Variants in TMEM135 observed in about 807,000 individuals in gnomAD.
TMEM135 encodes the protein transmembrane protein 135, also known as peroxisomal membrane protein 52.
TMEM135 carries 30 observed loss-of-function variants against 60.3 expected under a neutral mutation model. The observed-to-expected ratio is 0.50, with a 90% CI of 0.37 to 0.68. The LOEUF (loss-of-function observed/expected upper bound fraction) is 0.68. Ranked by LOEUF, TMEM135 falls within the 30% of genes least tolerant of loss-of-function variation. The pLI is 0.00. For synonymous variants in TMEM135, 190 were observed against 186.7 expected (o/e 1.02, Z -0.14); for missense variants, 468 against 548.8 (o/e 0.85, Z 1.47).
intron 10 of TMEM135, among the ~76,000 whole-genome samples, chr11:87,311,846 T>C (rs1180844269): frequency 6.6e-6 from 1 of 152,024 alleles, no homozygotes; most frequent in African/African-American, 2.4e-5. Context: ...TTAAGGTTCC[T>C]CTTTATCTCT....
intron 4 of TMEM135, among the ~76,000 whole-genome samples, chr11:87,117,893 C>G (rs1857932409): frequency 6.6e-6 from 1 of 152,130 alleles, no homozygotes; most frequent in Non-Finnish European, 1.5e-5. Context: ...TCATCAATCA[C>G]TCATAAAGCA....
intron 5 of TMEM135, among the ~76,000 whole-genome samples, chr11:87,194,442 C>T (rs372746056): frequency 6.6e-5 from 10 of 152,260 alleles, no homozygotes; most frequent in African/African-American, 2.4e-4. Context: ...TTGTACTATC[C>T]TGTGTCAGAT....
At chr11:87,249,358 T>C (rs1941363827) in intron 6 of TMEM135, among the ~76,000 whole-genome samples, 1 of 152,190 alleles carries the variant, frequency 6.6e-6, no homozygotes, top group Non-Finnish European at 1.5e-5. Context: ...GCATATGTTT[T>C]TTGTTTTTCA....
chr11:87,240,834 C>T (rs1228141198), intron 6 of TMEM135, among the ~76,000 whole-genome samples: 1 of 152,062 alleles, frequency 6.6e-6, no homozygotes, highest in Non-Finnish European at 1.5e-5. Context: ...GAAATTCTTT[C>T]CACATCCCTT....
intron 1 of TMEM135, among the ~76,000 whole-genome samples, chr11:87,056,852 A>G (rs917084727): frequency 1.3e-5 from 2 of 152,216 alleles, no homozygotes; most frequent in African/African-American, 4.8e-5. Context: ...AAATATGTAT[A>G]CTTTCTATTT....
At chr11:87,154,183 A>G (rs1938631493) in intron 4 of TMEM135, among the ~76,000 whole-genome samples, 1 of 152,174 alleles carries the variant, frequency 6.6e-6, no homozygotes, top group Admixed American at 6.5e-5. Flanking sequence ...TTTCTGTCTC[A>G]ATGAATTTCA....
intron 4 of TMEM135, among the ~76,000 whole-genome samples, chr11:87,117,135 A>AG (rs1857909081): frequency 6.6e-6 from 1 of 152,164 alleles, no homozygotes; most frequent in Non-Finnish European, 1.5e-5. Context: ...CATTATGTTT[A>AG]AAACAAAGTA....
intron 6 of TMEM135, among the ~76,000 whole-genome samples, chr11:87,280,111 G>T (rs1942033464): frequency 6.8e-6 from 1 of 147,368 alleles, no homozygotes; most frequent in African/African-American, 2.7e-5. Flanking sequence ...ATGTCTTAAA[G>T]TTAATGTGTG....
intron 5 of TMEM135, among the ~76,000 whole-genome samples, chr11:87,160,266 A>G (rs2135272222): frequency 6.6e-6 from 1 of 152,334 alleles, no homozygotes; most frequent in South Asian, 2.1e-4. Flanking sequence ...AAATTTTGAA[A>G]TGGGAGAAGA....
chr11:87,184,946 C>A (rs995285331), intron 5 of TMEM135, among the ~76,000 whole-genome samples: 1 of 152,040 alleles, frequency 6.6e-6, no homozygotes, highest in African/African-American at 2.4e-5. Context: ...GTTAAAATTT[C>A]TTTTTATTTT....
intron 3 of TMEM135, among the ~76,000 whole-genome samples, chr11:87,084,558 A>G (rs753885304): frequency 3.3e-5 from 5 of 152,170 alleles, no homozygotes; most frequent in Non-Finnish European, 5.9e-5. Context: ...TGGCCTCACA[A>G]AGTGCTGGGA....
intron 4 of TMEM135, among the ~76,000 whole-genome samples, chr11:87,147,945 A>G (rs1485312585): frequency 2.0e-5 from 3 of 152,134 alleles, no homozygotes; most frequent in South Asian, 4.1e-4. Context: ...TTTAGTAGAC[A>G]TGGAGTTTCA....
Position 87,044,917 on chromosome 11 carries a change from G to T in TMEM135, c.141+6731G>T, listed in dbSNP as rs569107525. On this transcript the variant is annotated intron_variant, in intron 1 of 14. Transcript: ENST00000305494. ...CCACCTCAGCCTCCCAAAGTGCTGG[G>T]ATTACAGGCGTAAGCCACCACGCCC... is the stretch of plus-strand genomic sequence containing the variant. Among the ~76,000 whole-genome samples the T allele has an allele frequency of 1.3e-4, 20 of 152,194 alleles. 1 individual carries two copies. In the South Asian group the frequency reaches 3.1e-3, roughly 24 times the overall value.
At chr11:87,262,942 G>C (rs927064782) in intron 6 of TMEM135, among the ~76,000 whole-genome samples, 1 of 151,996 alleles carries the variant, frequency 6.6e-6, no homozygotes, top group African/African-American at 2.4e-5. Context: ...CCTAGGTGGA[G>C]TTCTGAGTTG....
At chr11:87,099,770 C>T (rs534988561) in intron 4 of TMEM135, among the ~76,000 whole-genome samples, 2 of 149,146 alleles carry the variant, frequency 1.3e-5, no homozygotes, top group South Asian at 2.1e-4. Flanking sequence ...GCAACCTCCG[C>T]CTCCCAGGTT....
At chr11:87,182,021 C>G (rs527560147) in intron 5 of TMEM135, among the ~76,000 whole-genome samples, 1 of 149,422 alleles carries the variant, frequency 6.7e-6, no homozygotes, top group South Asian at 2.2e-4. Flanking sequence ...CCTTAATATT[C>G]TTATTAAAGT....
At position 87,328,783 on chromosome 11, in the gene TMEM135, A is replaced by G. The variant is rs980757820; in HGVS notation, c.*7450A>G. The G allele has an allele frequency of 6.6e-6, 3 of 454,058 alleles. No homozygotes were observed. The highest frequency in any genetic ancestry group is 3.1e-5 in the South Asian group (2 of 64,478). 28.1% of individuals were successfully genotyped at this position (454,058 alleles called of 1,614,324 possible). A position where few individuals can be genotyped will look rare whatever the true frequency, so the allele number is the denominator to read the frequency against. Reference sequence around the variant, plus strand: ...CTTTGGTTGATTCTGTATCTTTGCAATTGTGAACTGTGTTAACAATAAAAA... The same window carrying G: ...CTTTGGTTGATTCTGTATCTTTGCAGTTGTGAACTGTGTTAACAATAAAAA... On this transcript the variant is annotated 3_prime_UTR_variant, in exon 15 of 15. Coordinates refer to ENST00000305494, the MANE Select transcript of TMEM135 (RefSeq NM_022918.4).
chr11:87,285,485 T>C (rs1249099297), intron 6 of TMEM135, among the ~76,000 whole-genome samples: 2 of 152,134 alleles, frequency 1.3e-5, no homozygotes, highest in Non-Finnish European at 1.5e-5. Context: ...TTCAGGAGTG[T>C]AGCTGCAGAC....
chr11:87,078,274 G>C (rs1473559441), intron 3 of TMEM135, among the ~76,000 whole-genome samples: 2 of 152,182 alleles, frequency 1.3e-5, no homozygotes, highest in Admixed American at 6.5e-5. Flanking sequence ...GATAGTCATT[G>C]TAGTGAGTGT....
Sources: gnomAD v4.1 joint callset for allele counts (sites outside exome capture counted in the v4.1 genomes callset) on GRCh38, gnomAD v4.1.1 for gene constraint, MANE v1.5 for transcripts, NCBI Gene and HGNC (gene_info 2026-07-23, HGNC 2026-07-21) for gene names.